ADAMTS3: variants seen among roughly 807,000 people sequenced by gnomAD.
The protein encoded by ADAMTS3 is ADAM metallopeptidase with thrombospondin type 1 motif 3.
A neutral mutation model predicts 129.0 loss-of-function variants in ADAMTS3; 73 were observed. The ratio of observed to expected loss-of-function variants is 0.57; its 90% CI spans 0.47 to 0.69. The LOEUF is 0.69. ADAMTS3 is among the 30% of genes least tolerant of loss of function. The pLI is 0.00. For missense variants in ADAMTS3, 1,457 were observed against 1,514.5 expected, an observed-to-expected ratio of 0.96 and a Z score of 0.63; for synonymous variants, 477 against 510.8, an observed-to-expected ratio of 0.93 and a Z score of 0.89.
chr4:72,487,315 T>G (rs557373692), intron 3 of ADAMTS3, among the ~76,000 whole-genome samples: 2 of 152,116 alleles, frequency 1.3e-5, no homozygotes, highest in African/African-American at 4.8e-5. Flanking sequence ...GAAAAAAGGA[T>G]GCATGTGCTA....
At chr4:72,533,653 A>G (rs1306248474) in intron 3 of ADAMTS3, among the ~76,000 whole-genome samples, 3 of 151,916 alleles carry the variant, frequency 2.0e-5, no homozygotes, top group Admixed American at 6.6e-5. Context: ...ATGTATATAT[A>G]CATATATATG....
At chr4:72,534,027 A>G (rs1247149517) in intron 3 of ADAMTS3, among the ~76,000 whole-genome samples, 2 of 152,208 alleles carry the variant, frequency 1.3e-5, no homozygotes, top group Non-Finnish European at 2.9e-5. Context: ...AGATATTGTC[A>G]TAGAACATCA....
intron 4 of ADAMTS3, among the ~76,000 whole-genome samples, chr4:72,369,899 C>T (rs909114648): frequency 1.3e-5 from 2 of 151,992 alleles, no homozygotes; most frequent in Non-Finnish European, 2.9e-5. Flanking sequence ...AACCGAAATT[C>T]AAGCCATCTA....
chr4:72,517,498 T>C (rs1720522321), intron 3 of ADAMTS3, among the ~76,000 whole-genome samples: 1 of 152,224 alleles, frequency 6.6e-6, no homozygotes, highest in Admixed American at 6.5e-5. Flanking sequence ...CTATTGATTA[T>C]TGCCACAATT....
intron 3 of ADAMTS3, among the ~76,000 whole-genome samples, chr4:72,517,676 G>A (rs1251749317): frequency 1.3e-5 from 2 of 151,962 alleles, no homozygotes; most frequent in South Asian, 4.2e-4. Flanking sequence ...TGGGATCGGT[G>A]GTGATATCCC....
At chr4:72,542,893 T>G (rs1721369530) in intron 3 of ADAMTS3, among the ~76,000 whole-genome samples, 1 of 152,200 alleles carries the variant, frequency 6.6e-6, no homozygotes, top group African/African-American at 2.4e-5. Context: ...ACATACAGAT[T>G]TTGTTGTTCT....
At chr4:72,453,530 G>A (rs1243612437) in intron 3 of ADAMTS3, among the ~76,000 whole-genome samples, 1 of 151,604 alleles carries the variant, frequency 6.6e-6, no homozygotes. Flanking sequence ...ACTTGCCATA[G>A]GTAACATGGT....
chr4:72,333,782 T>A (rs80195650), intron 5 of ADAMTS3, among the ~76,000 whole-genome samples: 5,553 of 151,956 alleles, frequency 0.037, 345 homozygotes, highest in African/African-American at 0.13. Context: ...CTCAATTTAA[T>A]AATCAATTCC....
chr4:72,341,008 C>T (rs1458238124), intron 4 of ADAMTS3, among the ~76,000 whole-genome samples: 1 of 152,120 alleles, frequency 6.6e-6, no homozygotes, highest in Admixed American at 6.6e-5. Flanking sequence ...TTTCATGCTG[C>T]ACTGGGGCTT....
chr4:72,421,636 T>C (rs558769969), intron 3 of ADAMTS3, among the ~76,000 whole-genome samples: 3 of 152,252 alleles, frequency 2.0e-5, no homozygotes, highest in East Asian at 3.9e-4. Context: ...AGAAGGAAAC[T>C]AGACATGTAA....
At chr4:72,567,830 C>T (rs1722055888) in intron 1 of ADAMTS3, among the ~76,000 whole-genome samples, 3 of 152,190 alleles carry the variant, frequency 2.0e-5, no homozygotes, top group Admixed American at 2.0e-4. Context: ...ACCAGGCCGA[C>T]CGGAGAAGCT....
chr4:72,370,271 T>C (rs1190861446), intron 4 of ADAMTS3, among the ~76,000 whole-genome samples: 1 of 152,156 alleles, frequency 6.6e-6, no homozygotes, highest in Non-Finnish European at 1.5e-5. Flanking sequence ...GGCTGTTGCT[T>C]CCCAGCCTGG....
At chr4:72,396,556 T>C (rs1236734108) in intron 4 of ADAMTS3, among the ~76,000 whole-genome samples, 1 of 152,056 alleles carries the variant, frequency 6.6e-6, no homozygotes, top group Admixed American at 6.6e-5. Context: ...TATGACTATA[T>C]TTACAGAAAG....
At chr4:72,313,528 A>T in intron 12 of ADAMTS3, 149 bp downstream of exon 12, 2 of 754,166 alleles carry the variant, frequency 2.7e-6, no homozygotes, top group Non-Finnish European at 2.0e-6. Flanking sequence ...GAGATGTATC[A>T]AAAACACAGA....
rs1718638457 is a variant in ADAMTS3 at position 72,290,852 on chromosome 4, T to TA, written c.2931+2dup. 3.1e-6 allele frequency: 5 copies of TA among 1,613,494 alleles called. No homozygotes were observed. The South Asian group carries it at 5.5e-5, about 18-fold the overall frequency. On this transcript the variant is annotated splice_region_variant and intron_variant, in intron 20 of 21. Transcript: ENST00000286657. ...TATGCATGCACGGAATTCACACACCTACCTCACTCCAGGGTCCTGTTTTCC... is the reference window on the plus strand; with the variant it reads ...TATGCATGCACGGAATTCACACACCTAACCTCACTCCAGGGTCCTGTTTTCC...
chr4:72,527,714 T>C (rs1720851148), intron 3 of ADAMTS3, among the ~76,000 whole-genome samples: 1 of 152,184 alleles, frequency 6.6e-6, no homozygotes, highest in Non-Finnish European at 1.5e-5. Context: ...CATGGCTTTC[T>C]GTACTTGGCT....
chr4:72,355,054 C>T (rs931615624), intron 4 of ADAMTS3, among the ~76,000 whole-genome samples: 10 of 151,678 alleles, frequency 6.6e-5, no homozygotes, highest in African/African-American at 2.4e-4. Flanking sequence ...AAACATTTAA[C>T]TAACTAAACT....
At chr4:72,291,368 A>G (rs1052493383) in intron 19 of ADAMTS3, among the ~76,000 whole-genome samples, 1 of 151,074 alleles carries the variant, frequency 6.6e-6, no homozygotes, top group Non-Finnish European at 1.5e-5. Context: ...ATCATTTAGC[A>G]TTAGGTATAT....
Position 72,414,819 on chromosome 4 carries a change from G to A in ADAMTS3, c.657C>T (p.Tyr219=). The part of the protein sequence containing the change: ...APIDMSKDFH[Y]RESDLEGLDD... ...AAGCTTTGTCAAGACGCCTACCTCT[G>A]TAGTGGAAGTCTTTGGACATGTCTA... Residue 219 remains tyrosine (Y), a synonymous_variant, in exon 4 of 22, where the codon TAC becomes TAT. Coordinates refer to ENST00000286657, the MANE Select transcript of ADAMTS3 (RefSeq NM_014243.3). 2 of 1,453,262 alleles carry A rather than the reference G, an allele frequency of 1.4e-6. No individual in the cohort carries two copies. Among genetic ancestry groups the A allele is most frequent in the Non-Finnish European group, 1.8e-6 (2 of 1,104,222 alleles). 90.0% of individuals were successfully genotyped at this position (1,453,262 alleles called of 1,614,324 possible). A position where few individuals can be genotyped will look rare whatever the true frequency, so the allele number is the denominator to read the frequency against.
Sources: gnomAD v4.1 joint callset for allele counts (sites outside exome capture counted in the v4.1 genomes callset) on GRCh38, gnomAD v4.1.1 for gene constraint, MANE v1.5 for transcripts, NCBI Gene and HGNC (gene_info 2026-07-23, HGNC 2026-07-21) for gene names.